Variants in UGGT2 observed in about 807,000 individuals in gnomAD.
UGGT2 encodes the protein UDP-glucose glycoprotein glucosyltransferase 2.
Under a neutral mutation model 192.1 loss-of-function variants are expected in UGGT2, and 180 were observed. The ratio of observed to expected loss-of-function variants is 0.94; its 90% CI spans 0.83 to 1.06. The LOEUF (loss-of-function observed/expected upper bound fraction) is 1.06. Ranked by LOEUF, UGGT2 falls within the 50% of genes least tolerant of loss-of-function variation. UGGT2 has a pLI of 0.00. For synonymous variants in UGGT2, 580 were observed against 591.0 expected (o/e 0.98, Z 0.27); for missense variants, 1,849 against 1,795.7 (o/e 1.03, Z -0.54).
intron 38 of UGGT2, among the ~76,000 whole-genome samples, chr13:95,825,618 T>C (rs1255944706): frequency 6.6e-6 from 1 of 152,152 alleles, no homozygotes; most frequent in African/African-American, 2.4e-5. Flanking sequence ...AGGCTGTCTA[T>C]AGGTTCAGCC....
chr13:95,983,561 A>G (rs2051194811), intron 10 of UGGT2: 1 of 582,218 alleles, frequency 1.7e-6, no homozygotes, highest in Admixed American at 2.1e-5. Flanking sequence ...CCTATGAAGA[A>G]AACCATACTA....
intron 26 of UGGT2, among the ~76,000 whole-genome samples, chr13:95,885,759 G>T (rs906482688): frequency 7.2e-5 from 11 of 152,090 alleles, no homozygotes; most frequent in African/African-American, 2.7e-4. Flanking sequence ...TTGCTGCAGT[G>T]GAAATATCAA....
chr13:95,949,435 T>C lies in UGGT2; in HGVS notation c.1355A>G (p.Asn452Ser). ...SSIMWINDLE[N>S]DDLYITWPTS... The stretch of plus-strand genomic sequence containing the variant: ...AGGCCATGTAATATACAAATCATCA[T>C]TTTCTAAGTCATTAATCCACTAGAA... Residue 452 changes from asparagine (N) to serine (S), a missense_variant, in exon 13 of 39, where the codon AAT (asparagine) becomes AGT (serine). Coordinates refer to ENST00000376747, the MANE Select transcript of UGGT2 (RefSeq NM_020121.4). The C allele has an allele frequency of 6.5e-7, 1 of 1,535,354 alleles. No individual in the cohort carries two copies. The highest frequency in any genetic ancestry group is 2.3e-5 in the East Asian group (1 of 42,872).
At chr13:96,007,749 T>C (rs2052026225) in intron 5 of UGGT2, among the ~76,000 whole-genome samples, 1 of 152,018 alleles carries the variant, frequency 6.6e-6, no homozygotes, top group Non-Finnish European at 1.5e-5. Context: ...CCTACATTAA[T>C]ACAAAGAAAA....
At chr13:95,907,156 C>A (rs570588704) in intron 20 of UGGT2, among the ~76,000 whole-genome samples, 1 of 152,374 alleles carries the variant, frequency 6.6e-6, no homozygotes, top group African/African-American at 2.4e-5. Flanking sequence ...TTGCTCACTG[C>A]TAGCGCAGCT....
At chr13:96,046,499 T>C (rs144172317) in intron 1 of UGGT2, among the ~76,000 whole-genome samples, 1 of 152,230 alleles carries the variant, frequency 6.6e-6, no homozygotes, top group African/African-American at 2.4e-5. Flanking sequence ...GGTTCCAAGA[T>C]GGCTGAATAG....
chr13:96,028,098 C>T (rs1311872039), intron 2 of UGGT2, among the ~76,000 whole-genome samples: 2 of 152,210 alleles, frequency 1.3e-5, no homozygotes, highest in Non-Finnish European at 2.9e-5. Context: ...TGTGCCTTCT[C>T]CCTACAACTT....
chr13:95,910,828 A>G (rs759185293), intron 20 of UGGT2, among the ~76,000 whole-genome samples: 3 of 152,192 alleles, frequency 2.0e-5, no homozygotes, highest in Non-Finnish European at 4.4e-5. Flanking sequence ...AATCGACTAC[A>G]TAACTGGAAG....
At chr13:96,045,137 A>G (rs2053270860) in intron 1 of UGGT2, among the ~76,000 whole-genome samples, 1 of 152,230 alleles carries the variant, frequency 6.6e-6, no homozygotes, top group African/African-American at 2.4e-5. Flanking sequence ...TCAAAAAGAT[A>G]ATCCACCATT....
chr13:95,915,548 C>T (rs951544041), intron 20 of UGGT2, among the ~76,000 whole-genome samples: 9 of 152,204 alleles, frequency 5.9e-5, no homozygotes, highest in African/African-American at 1.7e-4. Context: ...ATGAAAAGGA[C>T]ATACTTATTT....
Position 96,049,929 on chromosome 13 carries a change from C to T in UGGT2, c.158+3226G>A, listed in dbSNP as rs2053435120. ...CCAAGGTAATTTATAGATTCAATGC[C>T]ATCCCCATCAAGCTACCAATGACTT... On this transcript the variant is annotated intron_variant, in intron 1 of 38. Coordinates refer to ENST00000376747, the MANE Select transcript of UGGT2 (RefSeq NM_020121.4). Among the ~76,000 whole-genome samples the T allele has an allele frequency of 2.0e-5, 3 of 152,166 alleles. No homozygotes were observed. In the South Asian group the frequency reaches 6.2e-4, roughly 32 times the overall value.
intron 17 of UGGT2, among the ~76,000 whole-genome samples, chr13:95,934,323 A>G (rs1345972980): frequency 6.6e-6 from 1 of 152,218 alleles, no homozygotes. Flanking sequence ...TGCAGCTGAA[A>G]AGAATAAATA....
intron 24 of UGGT2, among the ~76,000 whole-genome samples, chr13:95,893,884 A>C (rs1594252704): frequency 6.6e-6 from 1 of 152,208 alleles, no homozygotes; most frequent in Non-Finnish European, 1.5e-5. Flanking sequence ...AGCCTGACAG[A>C]GTAAATCCTT....
Position 95,892,873 on chromosome 13 carries a change from G to A in UGGT2, c.2855+1689C>T, listed in dbSNP as rs187735834. Among the ~76,000 whole-genome samples, 992 of 152,108 alleles carry A rather than the reference G, an allele frequency of 6.5e-3. 4 individuals are homozygous for A. The highest frequency in any genetic ancestry group is 0.011 in the Non-Finnish European group (715 of 67,986). On this transcript the variant is annotated intron_variant, in intron 24 of 38. Coordinates refer to ENST00000376747, the MANE Select transcript of UGGT2 (RefSeq NM_020121.4). Reference sequence around the variant, plus strand: ...TCATGACAGGAGGGTCATTATTGCCGCAGCCTGCAAGGCTTCCTTCAAGAC... The same window carrying A: ...TCATGACAGGAGGGTCATTATTGCCACAGCCTGCAAGGCTTCCTTCAAGAC...
At chr13:95,879,451 T>A (rs2047430041) in intron 27 of UGGT2, among the ~76,000 whole-genome samples, 1 of 152,222 alleles carries the variant, frequency 6.6e-6, no homozygotes, top group Admixed American at 6.5e-5. Flanking sequence ...TGTTTGTTTG[T>A]TTGAGACAGG....
At chr13:95,989,791 T>C (rs1243444126) in intron 8 of UGGT2, among the ~76,000 whole-genome samples, 182 bp downstream of exon 8, 2 of 152,072 alleles carry the variant, frequency 1.3e-5, no homozygotes, top group African/African-American at 4.8e-5. Flanking sequence ...AATATAAAAA[T>C]ATAGCTTGCT....
chr13:96,039,596 C>A, intron 1 of UGGT2, among the ~76,000 whole-genome samples: 1 of 152,188 alleles, frequency 6.6e-6, no homozygotes, highest in Non-Finnish European at 1.5e-5. Flanking sequence ...AGGCTGAGAA[C>A]CTCCAAAATC....
At chr13:95,882,231 A>C (rs941514111) in intron 27 of UGGT2, among the ~76,000 whole-genome samples, 1 of 152,106 alleles carries the variant, frequency 6.6e-6, no homozygotes, top group African/African-American at 2.4e-5. Flanking sequence ...CATTTTTGTC[A>C]CCTTTAATTA....
chr13:95,833,063 TA>T lies in UGGT2; in HGVS notation c.4402-11del. On this transcript the variant is annotated splice_polypyrimidine_tract_variant and intron_variant, in intron 37 of 38. Transcript: ENST00000376747. The stretch of plus-strand genomic sequence containing the variant: ...TTTTGGGATTATTGCACTAAAAGTT[TA>T]AGTAAATTTTGTTAATGAAAGACCA... 6.2e-7 allele frequency: 1 copy of T among 1,610,182 alleles called. No homozygotes were observed. Among genetic ancestry groups the T allele is most frequent in the Non-Finnish European group, 8.5e-7 (1 of 1,177,624 alleles).
Sources: gnomAD v4.1 joint callset for allele counts (sites outside exome capture counted in the v4.1 genomes callset) on GRCh38, gnomAD v4.1.1 for gene constraint, MANE v1.5 for transcripts, NCBI Gene and HGNC (gene_info 2026-07-23, HGNC 2026-07-21) for gene names.